GRID2: variants seen among roughly 807,000 people sequenced by gnomAD.
GRID2 encodes glutamate ionotropic receptor delta type subunit 2.
GRID2 carries 33 observed loss-of-function variants against 114.8 expected under a neutral mutation model. The ratio of observed to expected loss-of-function variants is 0.29; its 90% CI spans 0.22 to 0.38. The LOEUF (loss-of-function observed/expected upper bound fraction) is 0.38. GRID2 is among the 10% of genes least tolerant of loss of function. GRID2 has a pLI of 1.00. For synonymous variants in GRID2, 505 were observed against 449.9 expected (o/e 1.12, Z -1.55); for missense variants, 1,184 against 1,257.7 (o/e 0.94, Z 0.89).
intron 1 of GRID2, among the ~76,000 whole-genome samples, chr4:92,357,145 GA>G (rs968935048): frequency 2.0e-5 from 3 of 149,132 alleles, no homozygotes; most frequent in East Asian, 2.0e-4. Context: ...CTTCTATTTG[GA>G]AAAAAAAATG....
chr4:93,008,032 C>CA (rs1273416294), intron 2 of GRID2, among the ~76,000 whole-genome samples: 9,702 of 62,454 alleles, frequency 0.16, 537 homozygotes, highest in African/African-American at 0.23. Context: ...GAGACTGTCA[C>CA]AAAAAAAAAA....
At chr4:92,820,400 G>A (rs532728313) in intron 2 of GRID2, among the ~76,000 whole-genome samples, 22 of 152,136 alleles carry the variant, frequency 1.4e-4, no homozygotes, top group Non-Finnish European at 2.5e-4. Flanking sequence ...CAGAGAAACA[G>A]TTAAGATAGC....
At chr4:92,860,711 T>C (rs1275428572) in intron 2 of GRID2, among the ~76,000 whole-genome samples, 1 of 152,150 alleles carries the variant, frequency 6.6e-6, no homozygotes, top group African/African-American at 2.4e-5. Flanking sequence ...TCAACAAGTA[T>C]GTAATTTCCA....
chr4:92,533,467 A>G (rs964605184), intron 1 of GRID2, among the ~76,000 whole-genome samples: 7 of 151,988 alleles, frequency 4.6e-5, no homozygotes, highest in Non-Finnish European at 8.8e-5. Context: ...ATACATACAT[A>G]CATACATACA....
At chr4:93,269,451 G>C (rs925371247) in intron 8 of GRID2, among the ~76,000 whole-genome samples, 1 of 152,066 alleles carries the variant, frequency 6.6e-6, no homozygotes, top group African/African-American at 2.4e-5. Context: ...ATTCTTGTCA[G>C]CCAACTTCAT....
chr4:92,452,106 G>A (rs1720956249), intron 1 of GRID2, among the ~76,000 whole-genome samples: 1 of 152,136 alleles, frequency 6.6e-6, no homozygotes, highest in Non-Finnish European at 1.5e-5. Flanking sequence ...GACAGGTAAA[G>A]CAGTGTCATG....
At chr4:92,739,158 A>G (rs1240064817) in intron 2 of GRID2, among the ~76,000 whole-genome samples, 2 of 152,160 alleles carry the variant, frequency 1.3e-5, no homozygotes, top group Non-Finnish European at 2.9e-5. Flanking sequence ...CAAATTTTTT[A>G]TCTCCACTGG....
rs528693843 is a variant in GRID2, at chr4:92,566,744, AC to A, written c.89-23386del. Among the ~76,000 whole-genome samples, 134 of 152,188 alleles carry A rather than the reference AC, an allele frequency of 8.8e-4. 1 individual carries two copies. The South Asian group carries it at 0.027, about 30-fold the overall frequency. ...GAAGAATTTCTATGTAACTATGAAA[AC>A]TAGAAATAAATGGTGCTAAAATGTG... On this transcript the variant is annotated intron_variant, in intron 1 of 15. Transcript: ENST00000282020.
chr4:92,442,292 C>G (rs551032357), intron 1 of GRID2, among the ~76,000 whole-genome samples: 1 of 151,954 alleles, frequency 6.6e-6, no homozygotes, highest in Non-Finnish European at 1.5e-5. Context: ...GTTCCAGGGG[C>G]TCTGAGAGTG....
chr4:92,343,665 C>A lies in GRID2; in HGVS notation c.88+38921C>A, dbSNP rs28612641. On this transcript the variant is annotated intron_variant, in intron 1 of 15. Coordinates refer to ENST00000282020, the MANE Select transcript of GRID2 (RefSeq NM_001510.4). ...CTCGGCTCACTGGAACCTCTGCCTC[C>A]GAGGTTCAAGCAATTCTCCTGCCTC... 5.6e-3 allele frequency among the ~76,000 whole-genome samples: 846 copies of A among 151,208 alleles called. 8 individuals carry two copies. The highest frequency in any genetic ancestry group is 0.02 in the African/African-American group (806 of 41,136).
At chr4:92,627,634 C>A (rs1037578558) in intron 2 of GRID2, among the ~76,000 whole-genome samples, 2 of 151,996 alleles carry the variant, frequency 1.3e-5, no homozygotes, top group African/African-American at 2.4e-5. Flanking sequence ...TGCATCCCAG[C>A]CCACTAATTC....
chr4:92,398,378 G>T (rs2110275158), intron 1 of GRID2, among the ~76,000 whole-genome samples: 1 of 152,200 alleles, frequency 6.6e-6, no homozygotes, highest in Non-Finnish European at 1.5e-5. Flanking sequence ...ACGGCTCATT[G>T]CAGCCTTGAT....
intron 1 of GRID2, among the ~76,000 whole-genome samples, chr4:92,441,547 T>C (rs1733079298): frequency 1.3e-5 from 2 of 152,116 alleles, no homozygotes; most frequent in South Asian, 4.1e-4. Context: ...ACAATTTTGT[T>C]GATAAGGCGC....
At chr4:93,429,354 T>G (rs1279182483) in intron 10 of GRID2, among the ~76,000 whole-genome samples, 1 of 152,190 alleles carries the variant, frequency 6.6e-6, no homozygotes, top group Non-Finnish European at 1.5e-5. Flanking sequence ...ATTGCGCCCT[T>G]TACAATTTTC....
chr4:93,762,439 G>C (rs184597675), intron 14 of GRID2, among the ~76,000 whole-genome samples: 62 of 152,194 alleles, frequency 4.1e-4, no homozygotes, highest in African/African-American at 1.3e-3. Flanking sequence ...AGTACCAAAA[G>C]GTCTTGTATC....
At chr4:92,606,251 T>A (rs1293398238) in intron 2 of GRID2, among the ~76,000 whole-genome samples, 4 of 152,048 alleles carry the variant, frequency 2.6e-5, no homozygotes, top group African/African-American at 9.7e-5. Context: ...TCACATCCAA[T>A]GAACTGTTGA....
At chr4:92,712,489 A>G (rs2149310667) in intron 2 of GRID2, among the ~76,000 whole-genome samples, 1 of 152,268 alleles carries the variant, frequency 6.6e-6, no homozygotes, top group East Asian at 1.9e-4. Context: ...TATGCTGTAT[A>G]TTAACAATTA....
intron 2 of GRID2, among the ~76,000 whole-genome samples, chr4:92,693,077 A>G (rs1734254891): frequency 1.3e-5 from 2 of 151,450 alleles, no homozygotes; most frequent in Non-Finnish European, 2.9e-5. Context: ...AGAAATATAT[A>G]CAATATATTA....
rs146068054 is a variant in GRID2, at chr4:92,684,832, G to A, written c.244+94546G>A. ...GATTTTTAGACTTATGAAATATCCC[G>A]AATCAAGCATTTTATATTTTTAATA... is the stretch of plus-strand genomic sequence containing the variant. On this transcript the variant is annotated intron_variant, in intron 2 of 15. Coordinates refer to ENST00000282020, the MANE Select transcript of GRID2 (RefSeq NM_001510.4). 6.5e-3 allele frequency among the ~76,000 whole-genome samples: 994 copies of A among 152,078 alleles called. 4 individuals are homozygous for A. The highest frequency in any genetic ancestry group is 0.018 in the African/African-American group (761 of 41,552).
Sources: allele counts gnomAD v4.1 joint callset (sites outside exome capture counted in the v4.1 genomes callset), GRCh38; gene constraint gnomAD v4.1.1; transcripts MANE v1.5; gene names NCBI Gene and HGNC (gene_info 2026-07-23, HGNC 2026-07-21).